Variants in KDM1B observed in about 807,000 individuals in gnomAD.
KDM1B encodes the protein lysine demethylase 1B.
Under a neutral mutation model 107.4 loss-of-function variants are expected in KDM1B, and 63 were observed. The ratio of observed to expected loss-of-function variants is 0.59; its 90% CI spans 0.48 to 0.72. The LOEUF is 0.72. KDM1B is among the 30% of genes least tolerant of loss of function. KDM1B has a pLI of 0.00. For synonymous variants in KDM1B, 363 were observed against 363.9 expected (o/e 1.00, Z 0.03); for missense variants, 749 against 1,020.8 (o/e 0.73, Z 3.63).
In KDM1B at chr6:18,155,548, G is replaced by T. The variant is rs987821215; in HGVS notation, c.-81G>T. ...AGGCGCCCGCAGTCCAGGGCGGCGC[G>T]CACCGCCTCGCTGGCGCTCAGAGGT... is the stretch of plus-strand genomic sequence containing the variant. On this transcript the variant is annotated 5_prime_UTR_variant, in exon 1 of 22. Transcript: ENST00000650836. This position sits in a 1 kb window ranked among gnomAD's most constrained non-coding sequence, Gnocchi z 6.2. The T allele has an allele frequency of 6.5e-6, 1 of 152,856 alleles. No individual in the cohort carries two copies. The highest frequency in any genetic ancestry group is 2.4e-5 in the African/African-American group (1 of 41,412). The allele number at this position is 152,856 out of a possible 1,614,324, so 9.5% of individuals were successfully genotyped here. A position where few individuals can be genotyped will look rare whatever the true frequency, so the allele number is the denominator to read the frequency against.
chr6:18,208,628 T>TATATATATATATATATATATATATATA (rs1491350264), intron 17 of KDM1B, among the ~76,000 whole-genome samples: 12 of 16,232 alleles, frequency 7.4e-4, no homozygotes, highest in Non-Finnish European at 8.4e-4. Flanking sequence ...TATATATATA[T>TATATATATATATATATATATATATATA]TTTTTTTTTT....
chr6:18,221,300 A>G (rs1200207178), intron 21 of KDM1B, among the ~76,000 whole-genome samples: 2 of 151,966 alleles, frequency 1.3e-5, no homozygotes, highest in Non-Finnish European at 2.9e-5. Flanking sequence ...CCTTGTCATA[A>G]TTACTTAATC....
chr6:18,177,889 T>C (rs895829406), intron 7 of KDM1B, among the ~76,000 whole-genome samples: 1 of 152,226 alleles, frequency 6.6e-6, no homozygotes, highest in African/African-American at 2.4e-5. Context: ...ATATTTACTA[T>C]GTGGTTCCTT....
At chr6:18,188,057 G>A in intron 9 of KDM1B, 55 bp downstream of exon 9, 1 of 1,446,566 alleles carries the variant, frequency 6.9e-7, no homozygotes, top group Non-Finnish European at 9.5e-7. Context: ...CCTCCCTGAG[G>A]AACGTGTGAG....
chr6:18,218,159 G>C (rs1208845072), intron 21 of KDM1B, among the ~76,000 whole-genome samples: 1 of 151,918 alleles, frequency 6.6e-6, no homozygotes, highest in Non-Finnish European at 1.5e-5. Context: ...CTCGCTCTGT[G>C]GCTCAGACTG....
At chr6:18,160,834 T>G (rs1355387836) in intron 3 of KDM1B, among the ~76,000 whole-genome samples, 3 of 150,704 alleles carry the variant, frequency 2.0e-5, no homozygotes, top group Admixed American at 6.6e-5. Context: ...GTCACTTTTT[T>G]TTTTTTTTTT....
chr6:18,210,625 T>C (rs149063248), intron 17 of KDM1B, among the ~76,000 whole-genome samples: 2,289 of 152,142 alleles, frequency 0.015, 20 homozygotes, highest in Middle Eastern at 0.02. Context: ...CCTCCCAAAA[T>C]GCTGGGATTA....
chr6:18,173,464 A>G (rs1220713250), intron 7 of KDM1B, among the ~76,000 whole-genome samples: 1 of 151,780 alleles, frequency 6.6e-6, no homozygotes, highest in East Asian at 1.9e-4. Flanking sequence ...AAGCCTTTTC[A>G]TTTTCTGAAT....
chr6:18,161,573 C>A, intron 4 of KDM1B, 119 bp downstream of exon 4: 1 of 1,080,880 alleles, frequency 9.3e-7, no homozygotes, highest in Admixed American at 2.4e-5. Flanking sequence ...GTCATCTAAT[C>A]TAATAATAGA....
Position 18,197,244 on chromosome 6 carries a change from A to T in KDM1B, c.1146+11A>T, listed in dbSNP as rs214621. On this transcript the variant is annotated intron_variant, in intron 11 of 21. Coordinates refer to ENST00000650836, the MANE Select transcript of KDM1B (RefSeq NM_001364614.2). This position sits in a 1 kb window ranked among gnomAD's most constrained non-coding sequence, Gnocchi z 4.5. ...AAGGACTACCACAATGTAGGTGATT[A>T]TAGCTTTAGCGATAGCCTTGCCATT... is the stretch of plus-strand genomic sequence containing the variant. 6 of 1,609,150 alleles carry T rather than the reference A, an allele frequency of 3.7e-6. No individual in the cohort carries two copies. The East Asian group carries it at 1.3e-4, about 36-fold the overall frequency.
chr6:18,171,985 T>C (rs1380116736), intron 7 of KDM1B, among the ~76,000 whole-genome samples: 1 of 152,182 alleles, frequency 6.6e-6, no homozygotes, highest in Admixed American at 6.5e-5. Flanking sequence ...CTGGTTTTAA[T>C]TTTTTTGCTA....
At position 18,209,319 on chromosome 6, in the gene KDM1B, C is replaced by G. The variant is rs1003364424; in HGVS notation, c.1866+1113C>G. On this transcript the variant is annotated intron_variant, in intron 17 of 21. Coordinates refer to ENST00000650836, the MANE Select transcript of KDM1B (RefSeq NM_001364614.2). The surrounding 1 kb of genome is among the most constrained non-coding windows in gnomAD (Gnocchi z 4.3). The stretch of plus-strand genomic sequence containing the variant: ...TGAAAAAATATAATTGATGAACTAT[C>G]ACTAGTTCCTAGACTAGCTATGCTT... Among the ~76,000 whole-genome samples the G allele has an allele frequency of 1.3e-5, 2 of 152,174 alleles. No homozygotes were observed. Among genetic ancestry groups the G allele is most frequent in the Admixed American group, 1.3e-4 (2 of 15,268 alleles).
intron 2 of KDM1B, among the ~76,000 whole-genome samples, chr6:18,156,495 C>T (rs1300590544): frequency 3.9e-5 from 6 of 152,026 alleles, no homozygotes; most frequent in African/African-American, 1.5e-4. Flanking sequence ...ATTTTAGTGG[C>T]AGAAAGGCGA....
At position 18,213,932 on chromosome 6, in the gene KDM1B, A is replaced by G; in HGVS notation, c.2109+151A>G. The stretch of plus-strand genomic sequence containing the variant: ...TTCTGGGAGGACACTTGGACTGGAC[A>G]TTTTCCTATAGGAAAGGAGCCCCAG... On this transcript the variant is annotated intron_variant, in intron 19 of 21. Coordinates refer to ENST00000650836, the MANE Select transcript of KDM1B (RefSeq NM_001364614.2). The surrounding 1 kb of genome is among the most constrained non-coding windows in gnomAD (Gnocchi z 5.9). The G allele has an allele frequency of 1.2e-6, 1 of 828,438 alleles. No individual in the cohort carries two copies. The highest frequency in any genetic ancestry group is 2.7e-5 in the Admixed American group (1 of 37,216). The allele number at this position is 828,438 out of a possible 1,614,324, so 51.3% of individuals were successfully genotyped here. A position where few individuals can be genotyped will look rare whatever the true frequency, so the allele number is the denominator to read the frequency against.
intron 3 of KDM1B, 59 bp from the exon 4 acceptor site, chr6:18,161,268 C>T: frequency 6.5e-7 from 1 of 1,545,886 alleles, no homozygotes; most frequent in Non-Finnish European, 8.9e-7. Flanking sequence ...AGTGAACCTT[C>T]ATCCTTAGTC....
rs544748376 is a variant in KDM1B at position 18,210,207 on chromosome 6, A to ATGAACCTCC, written c.1866+2002_1866+2010dup. Among the ~76,000 whole-genome samples the ATGAACCTCC allele has an allele frequency of 2.0e-5, 3 of 152,290 alleles. 1 individual carries two copies. The highest frequency in any genetic ancestry group is 7.2e-5 in the African/African-American group (3 of 41,568). On this transcript the variant is annotated intron_variant, in intron 17 of 21. Transcript: ENST00000650836. ...ATTTTCAACCCAACGTGATAGACCG[A>ATGAACCTCC]TGAACCTCCAGCAGACTAACTCAGT...
chr6:18,210,367 T>TTTTTTG (rs1788774923), intron 17 of KDM1B, among the ~76,000 whole-genome samples: 2 of 101,882 alleles, frequency 2.0e-5, no homozygotes, highest in Non-Finnish European at 4.3e-5. Context: ...TTTTTTTTTT[T>TTTTTTG]TTTTTGTTTT....
chr6:18,197,645 A>G lies in KDM1B; in HGVS notation c.1205A>G (p.His402Arg), dbSNP rs1247013022. 1.1e-5 allele frequency: 17 copies of G among 1,613,620 alleles called. No individual in the cohort carries two copies. The highest frequency in any genetic ancestry group is 1.4e-5 in the Non-Finnish European group (17 of 1,179,614). The change falls in exon 12 of 22, where the codon CAT becomes CGT. Residue 402 changes from histidine to arginine, a missense_variant. By Grantham distance (29) the His-to-Arg change is conservative. Coordinates refer to ENST00000650836, the MANE Select transcript of KDM1B (RefSeq NM_001364614.2). The surrounding 1 kb of genome is among the most constrained non-coding windows in gnomAD (Gnocchi z 4.5). Reference protein sequence around the residue: ...PAGLAAARQLHNFGIKVTVLE... With the variant: ...PAGLAAARQLRNFGIKVTVLE... ...GGATTAGCAGCTGCTAGGCAACTGC[A>G]TAACTTTGGAATTAAGGTAGGATTT...
Position 18,212,552 on chromosome 6 carries a change from C to G in KDM1B, c.1931C>G (p.Ser644Ter). 1.2e-6 allele frequency: 2 copies of G among 1,614,158 alleles called. No individual in the cohort carries two copies. The highest frequency in any genetic ancestry group is 8.5e-7 in the Non-Finnish European group (1 of 1,180,000). The change falls in exon 18 of 22, where the codon TCA becomes TGA. Residue 644 changes from serine to a stop codon, truncating the protein, a stop_gained. Coordinates refer to ENST00000650836, the MANE Select transcript of KDM1B (RefSeq NM_001364614.2). LOFTEE classifies it high-confidence loss of function. This position sits in a 1 kb window ranked among gnomAD's most constrained non-coding sequence, Gnocchi z 5.2. The part of the protein sequence containing the change: ...KGAIQFNPPL[S>*]EKKMKAINSL... ...GCCATTCAGTTTAATCCACCGTTGTCAGAGAAGAAGATGAAGGCTATCAAC... is the reference window on the plus strand; with the variant it reads ...GCCATTCAGTTTAATCCACCGTTGTGAGAGAAGAAGATGAAGGCTATCAAC...
Sources: gnomAD v4.1 joint callset for allele counts (sites outside exome capture counted in the v4.1 genomes callset) on GRCh38, gnomAD v4.1.1 for gene constraint, Gnocchi (gnomAD v3.1) non-coding constraint, MANE v1.5 for transcripts, NCBI Gene and HGNC (gene_info 2026-07-23, HGNC 2026-07-21) for gene names.